Variants in KPNA1 observed in about 807,000 individuals in gnomAD.
The protein encoded by KPNA1 is importin subunit alpha-5.
Under a neutral mutation model 70.5 loss-of-function variants are expected in KPNA1, and 10 were observed. The ratio of observed to expected loss-of-function variants is 0.14; its 90% CI spans 0.09 to 0.24. The LOEUF is 0.24. KPNA1 is among the 10% of genes least tolerant of loss of function. The pLI is 1.00. For missense variants in KPNA1, 397 were observed against 637.9 expected (o/e 0.62, Z 4.07); for synonymous variants, 192 against 221.9 (o/e 0.87, Z 1.20).
At chr3:122,514,322 C>T (rs894299153) in intron 1 of KPNA1, 8 of 152,806 alleles carry the variant, frequency 5.2e-5, no homozygotes, top group African/African-American at 1.9e-4. Context: ...TTACACGCCA[C>T]CCCTGCTCCT....
At chr3:122,484,056 T>C (rs1236070479) in intron 2 of KPNA1, among the ~76,000 whole-genome samples, 5 of 152,222 alleles carry the variant, frequency 3.3e-5, no homozygotes, top group Non-Finnish European at 7.3e-5. Context: ...AAATCTTCAG[T>C]CATGGTAGTG....
At chr3:122,441,982 A>C in intron 10 of KPNA1, 56 bp downstream of exon 10, 7 of 1,116,190 alleles carry the variant, frequency 6.3e-6, no homozygotes, top group Non-Finnish European at 9.6e-6. Context: ...AAACATGATC[A>C]TGAAGTTCAA....
intron 8 of KPNA1, 75 bp from the exon 9 acceptor site, chr3:122,449,812 A>C (rs375074222): frequency 5.7e-6 from 7 of 1,234,012 alleles, no homozygotes; most frequent in East Asian, 5.0e-5. Flanking sequence ...TCAAGAAGGC[A>C]ACCAGGCATG....
At chr3:122,479,534 TG>T (rs1161343267) in intron 2 of KPNA1, among the ~76,000 whole-genome samples, 4 of 151,930 alleles carry the variant, frequency 2.6e-5, no homozygotes, top group Non-Finnish European at 4.4e-5. Context: ...CCGAGGCAGG[TG>T]GATCACCTGA....
chr3:122,492,668 G>A (rs1391602071), intron 2 of KPNA1, among the ~76,000 whole-genome samples: 1 of 152,012 alleles, frequency 6.6e-6, no homozygotes, highest in Non-Finnish European at 1.5e-5. Context: ...ATCTCATATT[G>A]GACAGCATAG....
At chr3:122,483,752 T>C (rs2076598312) in intron 2 of KPNA1, among the ~76,000 whole-genome samples, 1 of 152,200 alleles carries the variant, frequency 6.6e-6, no homozygotes, top group African/African-American at 2.4e-5. Context: ...TAAGTGTAAA[T>C]GCTTTTCTTA....
intron 1 of KPNA1, among the ~76,000 whole-genome samples, chr3:122,511,042 T>C (rs932222408): frequency 6.6e-6 from 1 of 152,164 alleles, no homozygotes; most frequent in Admixed American, 6.5e-5. Flanking sequence ...ACTCCACTAC[T>C]TTGTGAAGTA....
At chr3:122,486,443 T>C (rs946957534) in intron 2 of KPNA1, among the ~76,000 whole-genome samples, 3 of 152,034 alleles carry the variant, frequency 2.0e-5, no homozygotes, top group Non-Finnish European at 2.9e-5. Flanking sequence ...AGGAAAGAGG[T>C]AGAGAAAAAT....
intron 11 of KPNA1, among the ~76,000 whole-genome samples, chr3:122,435,044 G>A (rs538996478): frequency 9.9e-5 from 15 of 152,138 alleles, no homozygotes; most frequent in African/African-American, 3.1e-4. Flanking sequence ...ACCTAATCCC[G>A]GTCCTGTCAT....
intron 2 of KPNA1, among the ~76,000 whole-genome samples, chr3:122,491,957 G>C (rs1447500409): frequency 1.4e-5 from 2 of 145,398 alleles, no homozygotes; most frequent in Non-Finnish European, 3.0e-5. Flanking sequence ...CGCCTCCCGG[G>C]TTCACGCCAT....
chr3:122,514,076 G>A (rs570425524), intron 1 of KPNA1, among the ~76,000 whole-genome samples: 1 of 152,078 alleles, frequency 6.6e-6, no homozygotes, highest in Non-Finnish European at 1.5e-5. Flanking sequence ...AGCTTAATCC[G>A]ATACCTCGCT....
intron 9 of KPNA1, among the ~76,000 whole-genome samples, chr3:122,448,149 TGA>T (rs2107733509): frequency 6.6e-6 from 1 of 152,244 alleles, no homozygotes; most frequent in South Asian, 2.1e-4. Flanking sequence ...ACATTGTTGG[TGA>T]GAGTGTAAAT....
chr3:122,456,496 A>G (rs1335631645), intron 5 of KPNA1, among the ~76,000 whole-genome samples: 2 of 152,216 alleles, frequency 1.3e-5, no homozygotes, highest in African/African-American at 4.8e-5. Flanking sequence ...TATTGGTGAG[A>G]AAAAATTACT....
chr3:122,445,379 CAA>C (rs1288134960), intron 9 of KPNA1, among the ~76,000 whole-genome samples: 2 of 151,574 alleles, frequency 1.3e-5, no homozygotes, highest in East Asian at 3.9e-4. Flanking sequence ...GAAGAGTTTT[CAA>C]AAGAGTTTTC....
At chr3:122,461,960 T>C (rs997290832) in intron 4 of KPNA1, among the ~76,000 whole-genome samples, 2 of 152,206 alleles carry the variant, frequency 1.3e-5, no homozygotes, top group Non-Finnish European at 2.9e-5. Context: ...CGTGTGGCAA[T>C]GCCAGAAAAA....
chr3:122,460,507 G>T, intron 5 of KPNA1: 1 of 207,570 alleles, frequency 4.8e-6, no homozygotes, highest in Non-Finnish European at 8.4e-6. Flanking sequence ...TATGGTGGTG[G>T]CTGCCTGTAA....
At chr3:122,457,794 TGTTGCTGGCCACTTTGCCG>T in intron 5 of KPNA1, 1 of 1,289,886 alleles carries the variant, frequency 7.8e-7, no homozygotes, top group Non-Finnish European at 1.0e-6. Context: ...ATCAGGACTC[TGTTGCTGGCCACTTTGCCG>T]GTTCCACTCT....
chr3:122,496,395 A>G, intron 2 of KPNA1, 42 bp downstream of exon 2: 2 of 1,592,976 alleles, frequency 1.3e-6, no homozygotes, highest in Admixed American at 1.7e-5. Context: ...AAAATGGAAC[A>G]TTAAATTCTT....
At chr3:122,476,881 A>AAAAAAAC (rs1560042634) in intron 2 of KPNA1, among the ~76,000 whole-genome samples, 1 of 149,930 alleles carries the variant, frequency 6.7e-6, no homozygotes, top group African/African-American at 2.5e-5. Flanking sequence ...AAAAAAAAAA[A>AAAAAAAC]AAACTAAAAA....
Sources: gnomAD v4.1 joint callset for allele counts (sites outside exome capture counted in the v4.1 genomes callset) on GRCh38, gnomAD v4.1.1 for gene constraint, MANE v1.5 for transcripts, NCBI Gene and HGNC (gene_info 2026-07-23, HGNC 2026-07-21) for gene names.